The following NCALD variants were observed in gnomAD, a reference collection of about 807,000 sequenced individuals.
NCALD encodes neurocalcin-delta.
NCALD carries 10 observed loss-of-function variants against 18.6 expected under a neutral mutation model. That is an observed-to-expected ratio of 0.54 (90% CI 0.33 to 0.91). The LOEUF (loss-of-function observed/expected upper bound fraction) is 0.91, where lower values mean the gene tolerates loss of function less well. NCALD is among the 40% of genes least tolerant of loss of function. NCALD has a pLI of 0.03. For synonymous variants in NCALD, 88 were observed against 87.4 expected (o/e 1.01, Z -0.04); for missense variants, 184 against 247.6 (o/e 0.74, Z 1.72).
At chr8:102,106,824 C>G (rs1459820147) in intron 1 of NCALD, among the ~76,000 whole-genome samples, 1 of 152,052 alleles carries the variant, frequency 6.6e-6, no homozygotes, top group African/African-American at 2.4e-5. Context: ...TTCTATAGAC[C>G]ATTCTGTCTT....
At chr8:102,076,475 A>G (rs890144384) in intron 1 of NCALD, among the ~76,000 whole-genome samples, 2 of 152,242 alleles carry the variant, frequency 1.3e-5, no homozygotes, top group African/African-American at 4.8e-5. Flanking sequence ...AGATTTTAGC[A>G]GCTACATAAG....
intron 3 of NCALD, among the ~76,000 whole-genome samples, chr8:101,888,618 T>G (rs1332409668): frequency 6.6e-6 from 1 of 151,830 alleles, no homozygotes; most frequent in African/African-American, 2.4e-5. Context: ...GGGCTTGCTA[T>G]GTTGCCCAGG....
At chr8:101,915,915 T>C (rs985601238) in intron 2 of NCALD, 2 of 152,230 alleles carry the variant, frequency 1.3e-5, no homozygotes, top group Admixed American at 6.5e-5. Context: ...AAGGAATCTT[T>C]GTCCTGAGGT....
intron 2 of NCALD, among the ~76,000 whole-genome samples, chr8:102,013,699 C>T (rs2132074806): frequency 6.6e-6 from 1 of 152,218 alleles, no homozygotes; most frequent in East Asian, 1.9e-4. Context: ...GATGTTTTGA[C>T]TTCATGTCTC....
At chr8:101,841,770 T>C (rs758732597) in intron 4 of NCALD, among the ~76,000 whole-genome samples, 4 of 152,166 alleles carry the variant, frequency 2.6e-5, no homozygotes, top group Non-Finnish European at 4.4e-5. Flanking sequence ...TTCTCAGATG[T>C]TGGTTTACAT....
chr8:101,943,067 G>A (rs933014268), intron 2 of NCALD, among the ~76,000 whole-genome samples: 5 of 152,184 alleles, frequency 3.3e-5, no homozygotes, highest in African/African-American at 9.7e-5. Flanking sequence ...AGTGTGTTCT[G>A]GAGCGGGAAG....
intron 4 of NCALD, among the ~76,000 whole-genome samples, chr8:101,848,133 C>A (rs552780202): frequency 9.2e-5 from 14 of 151,994 alleles, no homozygotes; most frequent in African/African-American, 3.4e-4. Flanking sequence ...CCATGGAGCC[C>A]CTATCTCAGG....
intron 2 of NCALD, among the ~76,000 whole-genome samples, chr8:101,949,119 G>T (rs1166466155): frequency 4.6e-5 from 7 of 152,286 alleles, no homozygotes; most frequent in Middle Eastern, 3.4e-3. Context: ...CCTTGTATAA[G>T]CTACTTATAT....
intron 4 of NCALD, among the ~76,000 whole-genome samples, chr8:101,820,634 T>G (rs962339674): frequency 6.6e-6 from 1 of 152,182 alleles, no homozygotes; most frequent in African/African-American, 2.4e-5. Flanking sequence ...CAAAGTAATA[T>G]GTGCCCTGTT....
At chr8:101,719,772 T>A in intron 1 of NCALD, 124 bp from the exon 2 acceptor site, 1 of 863,004 alleles carries the variant, frequency 1.2e-6, no homozygotes, top group Non-Finnish European at 1.7e-6. Context: ...ACGAGTCCAG[T>A]AACACTGTCT....
chr8:101,691,613 G>T, intron 3 of NCALD: 1 of 985,422 alleles, frequency 1.0e-6, no homozygotes, highest in Non-Finnish European at 1.2e-6. Context: ...ATAATCCCGT[G>T]CTTGTTTAGT....
intron 1 of NCALD, among the ~76,000 whole-genome samples, chr8:102,035,255 G>C (rs112345273): frequency 0.018 from 2,765 of 152,116 alleles, 81 homozygotes; most frequent in African/African-American, 0.063. Flanking sequence ...GCTATGGGTG[G>C]ACTCTTCCTG....
chr8:102,104,753 C>T (rs771948809), intron 1 of NCALD, among the ~76,000 whole-genome samples: 6 of 152,206 alleles, frequency 3.9e-5, no homozygotes, highest in Non-Finnish European at 8.8e-5. Context: ...GACCACACTC[C>T]CCCATTCCCA....
chr8:101,689,486 CA>C lies in NCALD; in HGVS notation c.485-81del. On this transcript the variant is annotated intron_variant, in intron 3 of 3. Transcript: ENST00000220931. This position sits in a 1 kb window ranked among gnomAD's most constrained non-coding sequence, Gnocchi z 4.4. The stretch of plus-strand genomic sequence containing the variant: ...ACCCTTCCCACTACTGCGTGCTGGG[CA>C]GTGTCGATTCACCTGCCTGCAGCCT... 9.0e-7 allele frequency: 1 copy of C among 1,116,616 alleles called. No individual in the cohort carries two copies. The highest frequency in any genetic ancestry group is 2.1e-5 in the Admixed American group (1 of 48,028). 69.2% of individuals were successfully genotyped at this position (1,116,616 alleles called of 1,614,324 possible). A position where few individuals can be genotyped will look rare whatever the true frequency, so the allele number is the denominator to read the frequency against.
chr8:101,786,318 C>T (rs899244964), intron 1 of NCALD, among the ~76,000 whole-genome samples: 2 of 152,180 alleles, frequency 1.3e-5, no homozygotes, highest in African/African-American at 4.8e-5. Context: ...CAGCATATCT[C>T]ACTTGAGGAT....
chr8:101,860,607 C>T lies in NCALD; in HGVS notation c.-20+26534G>A, dbSNP rs567316698. Among the ~76,000 whole-genome samples the T allele has an allele frequency of 4.6e-5, 7 of 152,272 alleles. No homozygotes were observed. In the South Asian group the frequency reaches 1.5e-3, roughly 32 times the overall value. On this transcript the variant is annotated intron_variant, in intron 4 of 6. Coordinates refer to the NCALD transcript ENST00000311028. ...AGGAAATGTAATCATCACAAGTATCCATGTGGCTCATATGTTAGCTATAAT... is the reference window on the plus strand; with the variant it reads ...AGGAAATGTAATCATCACAAGTATCTATGTGGCTCATATGTTAGCTATAAT...
chr8:102,004,693 T>TTC (rs1821625093), intron 2 of NCALD, among the ~76,000 whole-genome samples: 1 of 151,928 alleles, frequency 6.6e-6, no homozygotes, highest in Non-Finnish European at 1.5e-5. Context: ...TACAGACCAA[T>TTC]GGAACAGAAC....
chr8:102,022,613 C>T (rs1384583777), intron 1 of NCALD, among the ~76,000 whole-genome samples: 3 of 152,260 alleles, frequency 2.0e-5, no homozygotes, highest in African/African-American at 7.2e-5. Context: ...CCTGCAGTGT[C>T]CACTACCTTA....
At chr8:101,743,691 T>A (rs1416687823) in intron 1 of NCALD, among the ~76,000 whole-genome samples, 1 of 152,206 alleles carries the variant, frequency 6.6e-6, no homozygotes, top group Admixed American at 6.5e-5. Flanking sequence ...TATTCACAGA[T>A]GCCAGAAGAA....
Sources: allele counts gnomAD v4.1 joint callset (sites outside exome capture counted in the v4.1 genomes callset), GRCh38; gene constraint gnomAD v4.1.1; non-coding constraint Gnocchi (gnomAD v3.1); transcripts MANE v1.5; gene names NCBI Gene and HGNC (gene_info 2026-07-23, HGNC 2026-07-21).